MIS18A: variants seen among roughly 807,000 people sequenced by gnomAD.
The protein encoded by MIS18A is protein Mis18-alpha.
Under a neutral mutation model 25.0 loss-of-function variants are expected in MIS18A, and 14 were observed. The ratio of observed to expected loss-of-function variants is 0.56; its 90% CI spans 0.37 to 0.88. The LOEUF (loss-of-function observed/expected upper bound fraction) is 0.88. Among genes scored for constraint, MIS18A ranks in the 40% least tolerant of loss-of-function variants. The pLI, the probability that MIS18A is intolerant of heterozygous loss-of-function variation, is 0.00. For missense variants in MIS18A, 292 were observed against 290.8 expected, an observed-to-expected ratio of 1.00 and a Z score of -0.03; for synonymous variants, 134 against 118.6, an observed-to-expected ratio of 1.13 and a Z score of -0.84.
the MIS18A span, among the ~76,000 whole-genome samples, chr21:32,196,877 T>C: frequency 6.6e-6 from 1 of 152,220 alleles, no homozygotes; most frequent in Non-Finnish European, 1.5e-5. Flanking sequence ...AGGCATCCTA[T>C]TGATTCTGTT....
At chr21:32,169,036 A>G in the MIS18A span, among the ~76,000 whole-genome samples, 1 of 152,192 alleles carries the variant, frequency 6.6e-6, no homozygotes, top group African/African-American at 2.4e-5. Flanking sequence ...CTATGTCAGA[A>G]CTCTGGAAAT....
the MIS18A span, among the ~76,000 whole-genome samples, chr21:32,222,934 CAAAA>C: frequency 1.2e-4 from 8 of 65,914 alleles, no homozygotes; most frequent in South Asian, 9.8e-4. Flanking sequence ...GACTCCGTCT[CAAAA>C]AAAAAAAAAA....
At chr21:32,175,432 G>A in the MIS18A span, among the ~76,000 whole-genome samples, 1 of 151,882 alleles carries the variant, frequency 6.6e-6, no homozygotes, top group Non-Finnish European at 1.5e-5. Flanking sequence ...ATAAACCTTA[G>A]CTTACTGTAA....
the MIS18A span, among the ~76,000 whole-genome samples, chr21:32,250,862 G>A: frequency 6.6e-6 from 1 of 152,296 alleles, no homozygotes; most frequent in East Asian, 1.9e-4. Flanking sequence ...GTTTGGCTGT[G>A]CCCCCACCCA....
chr21:32,243,690 C>A, the MIS18A span, among the ~76,000 whole-genome samples: 2 of 152,138 alleles, frequency 1.3e-5, no homozygotes, highest in Non-Finnish European at 2.9e-5. Context: ...TGTGTCCACT[C>A]AAAAATTTGT....
the MIS18A span, among the ~76,000 whole-genome samples, chr21:32,199,460 A>G: frequency 6.6e-6 from 1 of 152,118 alleles, no homozygotes; most frequent in African/African-American, 2.4e-5. Context: ...AAAGAAAAGG[A>G]ACTAAAAAAG....
the MIS18A span, among the ~76,000 whole-genome samples, chr21:32,251,694 C>G: frequency 6.6e-6 from 1 of 152,152 alleles, no homozygotes; most frequent in African/African-American, 2.4e-5. Flanking sequence ...AATCACCAAA[C>G]AAAAATACAA....
chr21:32,233,305 T>C, the MIS18A span, among the ~76,000 whole-genome samples: 2 of 152,326 alleles, frequency 1.3e-5, no homozygotes, highest in East Asian at 3.9e-4. Context: ...GTCTTGCACA[T>C]CAATTGTTCT....
At chr21:32,222,359 C>G in the MIS18A span, among the ~76,000 whole-genome samples, 1 of 152,110 alleles carries the variant, frequency 6.6e-6, no homozygotes, top group Non-Finnish European at 1.5e-5. Context: ...TTTAGCACCC[C>G]ACTAACAATA....
the MIS18A span, among the ~76,000 whole-genome samples, chr21:32,210,835 C>G: frequency 6.6e-6 from 1 of 152,156 alleles, no homozygotes; most frequent in Non-Finnish European, 1.5e-5. Flanking sequence ...TATCACATCA[C>G]CATTCTTGCC....
chr21:32,258,834 T>TTTTATTTATTTA, the MIS18A span, among the ~76,000 whole-genome samples: 3 of 140,802 alleles, frequency 2.1e-5, no homozygotes, highest in Non-Finnish European at 3.1e-5. Context: ...AGGGTCTGCA[T>TTTTATTTATTTA]TTTATTTATT....
the MIS18A span, among the ~76,000 whole-genome samples, chr21:32,234,306 A>T: frequency 2.6e-5 from 4 of 152,156 alleles, no homozygotes; most frequent in Non-Finnish European, 5.9e-5. Flanking sequence ...GATGCTGAGG[A>T]TGCTGGAGTG....
rs1318315219 is a variant in MIS18A at position 32,268,375 on chromosome 21, T to A, written c.*662A>T. 5 of 152,216 alleles carry A rather than the reference T, an allele frequency of 3.3e-5. No individual in the cohort carries two copies. The highest frequency in any genetic ancestry group is 7.3e-5 in the Non-Finnish European group (5 of 68,044). The allele number at this position is 152,216 out of a possible 1,614,324, so 9.4% of individuals were successfully genotyped here. ...TTGGTAAGTATTCCTCCAGGTTTTT[T>A]AAGCATATAGTAGTACATAAGCAGG... On this transcript the variant is annotated 3_prime_UTR_variant, in exon 5 of 5. Coordinates refer to ENST00000290130, the MANE Select transcript of MIS18A (RefSeq NM_018944.3).
the MIS18A span, among the ~76,000 whole-genome samples, chr21:32,262,957 CTA>C: frequency 6.4e-4 from 97 of 152,292 alleles, 1 homozygote; most frequent in Middle Eastern, 6.8e-3. Context: ...AACTACAACT[CTA>C]TAGACTGGCC....
At chr21:32,201,515 C>T in the MIS18A span, among the ~76,000 whole-genome samples, 3 of 152,202 alleles carry the variant, frequency 2.0e-5, no homozygotes, top group African/African-American at 7.2e-5. Context: ...ACAATGACAT[C>T]TACCCATCAA....
chr21:32,217,033 A>T, the MIS18A span, among the ~76,000 whole-genome samples: 2 of 152,208 alleles, frequency 1.3e-5, no homozygotes, highest in Non-Finnish European at 1.5e-5. Flanking sequence ...GAGTTGTCAT[A>T]TTATATTATG....
the MIS18A span, among the ~76,000 whole-genome samples, chr21:32,187,421 C>T: frequency 6.6e-6 from 1 of 152,106 alleles, no homozygotes; most frequent in Non-Finnish European, 1.5e-5. Flanking sequence ...TACCAGGTGA[C>T]CTTGGGTTTG....
chr21:32,180,003 C>T, the MIS18A span, among the ~76,000 whole-genome samples: 1 of 152,148 alleles, frequency 6.6e-6, no homozygotes, highest in Non-Finnish European at 1.5e-5. Context: ...CCAGAGATTC[C>T]ACAATAGAGC....
chr21:32,213,376 C>T, the MIS18A span, among the ~76,000 whole-genome samples: 2 of 152,216 alleles, frequency 1.3e-5, no homozygotes, highest in Non-Finnish European at 2.9e-5. Context: ...ATAGAATTCA[C>T]TCCATGATAA....
Sources: allele counts gnomAD v4.1 joint callset (sites outside exome capture counted in the v4.1 genomes callset), GRCh38; gene constraint gnomAD v4.1.1; transcripts MANE v1.5; gene names NCBI Gene and HGNC (gene_info 2026-07-23, HGNC 2026-07-21).